Variants in GREM2 observed in about 807,000 individuals in gnomAD.
GREM2 encodes gremlin 2, DAN family BMP antagonist.
A neutral mutation model predicts 14.2 loss-of-function variants in GREM2; 11 were observed. That is an observed-to-expected ratio of 0.78 (90% CI 0.49 to 1.28). The LOEUF is 1.28. GREM2 is among the 50% of genes most tolerant of loss of function. The pLI is 0.00. For missense variants in GREM2, 210 were observed against 218.5 expected (o/e 0.96, Z 0.24); for synonymous variants, 98 against 97.6 (o/e 1.00, Z -0.02).
intron 1 of GREM2, among the ~76,000 whole-genome samples, chr1:240,538,139 A>G (rs1416063290): frequency 2.0e-5 from 3 of 152,240 alleles, no homozygotes; most frequent in Non-Finnish European, 4.4e-5. Context: ...TTTCTTGACC[A>G]CGCTGATCTT....
chr1:240,564,157 G>C (rs1182788710), intron 1 of GREM2, among the ~76,000 whole-genome samples: 3 of 151,928 alleles, frequency 2.0e-5, no homozygotes, highest in African/African-American at 7.3e-5. Flanking sequence ...GCAATGAGCT[G>C]TAACTGTGCC....
rs34602345 is a variant in GREM2, at chr1:240,542,443, TAA to T, written c.-1-48969_-1-48968del. ...AACATGGCGAAACCCCCATCTCTAC[TAA>T]AAAAAAAAAAAAAAAAAAAATTAGC... On this transcript the variant is annotated intron_variant, in intron 1 of 1. Transcript: ENST00000318160. The surrounding 1 kb of genome is among the most constrained non-coding windows in gnomAD (Gnocchi z 4.1). 0.035 allele frequency among the ~76,000 whole-genome samples: 3,937 copies of T among 113,280 alleles called. 172 individuals are homozygous for T. Among genetic ancestry groups the T allele is most frequent in the African/African-American group, 0.12 (3,573 of 30,084 alleles). The allele number at this position is 113,280 out of a possible 152,430, so 74.3% of individuals were successfully genotyped here.
At chr1:240,579,992 G>GT (rs1402013798) in intron 1 of GREM2, among the ~76,000 whole-genome samples, 2 of 152,176 alleles carry the variant, frequency 1.3e-5, no homozygotes, top group Admixed American at 6.6e-5. Flanking sequence ...ATACATATGC[G>GT]TTTGTCATCT....
At chr1:240,537,502 G>C (rs1678498411) in intron 1 of GREM2, among the ~76,000 whole-genome samples, 1 of 152,094 alleles carries the variant, frequency 6.6e-6, no homozygotes, top group South Asian at 2.1e-4. Flanking sequence ...AACAACAAAA[G>C]GAGTTCAGGC....
At chr1:240,585,402 G>A (rs1679575307) in intron 1 of GREM2, among the ~76,000 whole-genome samples, 1 of 152,030 alleles carries the variant, frequency 6.6e-6, no homozygotes, top group South Asian at 2.1e-4. Context: ...TGACGGGGAT[G>A]TACTTAACAC....
intron 1 of GREM2, among the ~76,000 whole-genome samples, chr1:240,533,280 T>G (rs962126621): frequency 1.3e-5 from 2 of 152,006 alleles, no homozygotes; most frequent in African/African-American, 4.8e-5. Context: ...TGTGAAAAGG[T>G]TGGGAAAAGG....
intron 1 of GREM2, among the ~76,000 whole-genome samples, chr1:240,552,898 G>A (rs980929872): frequency 1.3e-5 from 2 of 152,164 alleles, no homozygotes; most frequent in African/African-American, 4.8e-5. Flanking sequence ...AATATTAAGA[G>A]TAGTTGATCA....
At chr1:240,589,399 C>T (rs1679663114) in intron 1 of GREM2, among the ~76,000 whole-genome samples, 2 of 148,868 alleles carry the variant, frequency 1.3e-5, no homozygotes, top group Non-Finnish European at 3.0e-5. Context: ...CGTGCCATTG[C>T]ACTCCAGCCT....
chr1:240,493,324 T>A lies in GREM2; in HGVS notation c.152A>T (p.Glu51Val). ...GGCCTCCTGGCTGGAGGCCAGCACC[T>A]CCTTGATCTGGTGCTGCCATCTCTC... ...NSERWQHQIK[E>V]VLASSQEALV... Residue 51 changes from glutamate to valine, a missense_variant, in exon 2 of 2, where the codon GAG (glutamate) becomes GTG (valine). Transcript: ENST00000318160. 1 of 1,614,028 alleles carries A rather than the reference T, an allele frequency of 6.2e-7. No homozygotes were observed. The highest frequency in any genetic ancestry group is 8.5e-7 in the Non-Finnish European group (1 of 1,180,018).
chr1:240,537,065 A>T (rs1678489449), intron 1 of GREM2, among the ~76,000 whole-genome samples: 1 of 152,232 alleles, frequency 6.6e-6, no homozygotes, highest in South Asian at 2.1e-4. Flanking sequence ...TGCTGTAGTA[A>T]GATAAATTAA....
chr1:240,562,899 TGTGTATGTATGTCTGTGA>T (rs1174369866), intron 1 of GREM2, among the ~76,000 whole-genome samples: 1 of 151,102 alleles, frequency 6.6e-6, no homozygotes, highest in Non-Finnish European at 1.5e-5. Context: ...AGTGTGTATG[TGTGTATGTATGTCTGTGA>T]GTGTATGTGT....
intron 1 of GREM2, among the ~76,000 whole-genome samples, chr1:240,605,514 T>A (rs1299013160): frequency 2.6e-5 from 4 of 151,924 alleles, no homozygotes; most frequent in Non-Finnish European, 4.4e-5. Context: ...AAATAAAAAA[T>A]CACCAAGGTA....
At chr1:240,515,033 T>C (rs965115513) in intron 1 of GREM2, among the ~76,000 whole-genome samples, 1 of 151,818 alleles carries the variant, frequency 6.6e-6, no homozygotes, top group Non-Finnish European at 1.5e-5. Context: ...GTTTTGAAAA[T>C]GAAGCCACAT....
At chr1:240,514,346 G>C (rs1477695907) in intron 1 of GREM2, among the ~76,000 whole-genome samples, 2 of 150,844 alleles carry the variant, frequency 1.3e-5, no homozygotes, top group African/African-American at 4.9e-5. Flanking sequence ...AAGTAAGCAA[G>C]ACTAGAGGAA....
chr1:240,604,720 G>A (rs1449416159), intron 1 of GREM2, among the ~76,000 whole-genome samples: 2 of 152,198 alleles, frequency 1.3e-5, no homozygotes, highest in African/African-American at 2.4e-5. Context: ...CACTTTGTGA[G>A]GCCAAGGCAG....
intron 1 of GREM2, among the ~76,000 whole-genome samples, chr1:240,531,169 C>T (rs2103314606): frequency 6.6e-6 from 1 of 152,306 alleles, no homozygotes; most frequent in South Asian, 2.1e-4. Context: ...CTTGGATTCC[C>T]ATAAGAGGAA....
intron 1 of GREM2, among the ~76,000 whole-genome samples, chr1:240,545,420 C>T (rs1277866692): frequency 4.6e-5 from 7 of 152,206 alleles, no homozygotes; most frequent in Non-Finnish European, 7.3e-5. Context: ...ACCAGTTAAA[C>T]GTAAGTAAAG....
In GREM2 at chr1:240,489,737, C is replaced by G. The variant is rs1677205094; in HGVS notation, c.*3232G>C. The G allele has an allele frequency of 6.6e-6, 1 of 152,132 alleles. No homozygotes were observed. The highest frequency in any genetic ancestry group is 2.4e-5 in the African/African-American group (1 of 41,424). The allele number at this position is 152,132 out of a possible 1,614,324, so 9.4% of individuals were successfully genotyped here. A position where few individuals can be genotyped will look rare whatever the true frequency, so the allele number is the denominator to read the frequency against. ...GGTGATAGGTCAATCATTAAATAAGCCTTCTGGGAATATATACATTCTAAG... is the reference window on the plus strand; with the variant it reads ...GGTGATAGGTCAATCATTAAATAAGGCTTCTGGGAATATATACATTCTAAG... On this transcript the variant is annotated 3_prime_UTR_variant, in exon 2 of 2. Coordinates refer to ENST00000318160, the MANE Select transcript of GREM2 (RefSeq NM_022469.4).
intron 1 of GREM2, among the ~76,000 whole-genome samples, chr1:240,569,652 A>G (rs1307859760): frequency 3.3e-5 from 5 of 152,166 alleles, no homozygotes; most frequent in Admixed American, 6.5e-5. Flanking sequence ...TAGATGGGGA[A>G]AAAAATATGA....
Sources: allele counts gnomAD v4.1 joint callset (sites outside exome capture counted in the v4.1 genomes callset), GRCh38; gene constraint gnomAD v4.1.1; non-coding constraint Gnocchi (gnomAD v3.1); transcripts MANE v1.5; gene names NCBI Gene and HGNC (gene_info 2026-07-23, HGNC 2026-07-21).